CNBD1: variants seen among roughly 807,000 people sequenced by gnomAD.
CNBD1 encodes the protein cyclic nucleotide-binding domain-containing protein 1.
Under a neutral mutation model 54.4 loss-of-function variants are expected in CNBD1, and 71 were observed. The observed-to-expected ratio is 1.30, with a 90% CI of 1.08 to 1.59. The LOEUF (loss-of-function observed/expected upper bound fraction) is 1.59. CNBD1 is among the 40% of genes most tolerant of loss of function. CNBD1 has a pLI of 0.00. For synonymous variants in CNBD1, 182 were observed against 170.7 expected, an observed-to-expected ratio of 1.07 and a Z score of -0.51; for missense variants, 659 against 518.0, an observed-to-expected ratio of 1.27 and a Z score of -2.64.
chr8:86,976,074 G>A lies in CNBD1; in HGVS notation c.431+36320G>A, dbSNP rs1586174779. Among the ~76,000 whole-genome samples, 9 of 150,950 alleles carry A rather than the reference G, an allele frequency of 6.0e-5. No homozygotes were observed. The South Asian group carries it at 1.9e-3, about 32-fold the overall frequency. ...CCTTTGCCTATGTTTTTTAAATAGG[G>A]ATACTTGTTTTCTCATTGAGTAATT... On this transcript the variant is annotated intron_variant, in intron 4 of 10. Coordinates refer to ENST00000518476, the MANE Select transcript of CNBD1 (RefSeq NM_173538.3).
intron 10 of CNBD1, among the ~76,000 whole-genome samples, chr8:87,364,187 C>T (rs1810587964): frequency 6.6e-6 from 1 of 151,286 alleles, no homozygotes; most frequent in South Asian, 2.1e-4. Context: ...GAGAGATTAT[C>T]TCAAAAAATA....
chr8:87,390,869 A>G (rs189053942), intron 2 of CNBD1, among the ~76,000 whole-genome samples: 1 of 152,358 alleles, frequency 6.6e-6, no homozygotes, highest in Non-Finnish European at 1.5e-5. Context: ...AGACTGGATT[A>G]AGAAAATATG....
At chr8:86,922,425 A>C (rs923833549) in intron 3 of CNBD1, among the ~76,000 whole-genome samples, 9 of 152,124 alleles carry the variant, frequency 5.9e-5, no homozygotes, top group African/African-American at 2.2e-4. Context: ...AGTTTTATGA[A>C]GGAAGGAAGA....
intron 4 of CNBD1, among the ~76,000 whole-genome samples, chr8:87,158,831 A>C (rs529524970): frequency 6.6e-6 from 1 of 152,340 alleles, no homozygotes; most frequent in South Asian, 2.1e-4. Context: ...AAAGACAGCA[A>C]GCAAGAACTA....
chr8:87,121,905 CAT>C (rs1437442495), intron 4 of CNBD1, among the ~76,000 whole-genome samples: 4 of 151,338 alleles, frequency 2.6e-5, no homozygotes, highest in Non-Finnish European at 5.9e-5. Context: ...TATACACACA[CAT>C]ATGACATATA....
rs532163543 is a variant in CNBD1 at position 87,327,525 on chromosome 8, G to A, written c.1043-24160G>A. Among the ~76,000 whole-genome samples, 514 of 152,262 alleles carry A rather than the reference G, an allele frequency of 3.4e-3. 2 individuals carry two copies. The highest frequency in any genetic ancestry group is 0.011 in the African/African-American group (455 of 41,554). ...TTCGTGGTGCGCCGTTTTTTAAGCC[G>A]GTCTGAAAAGCGCAATATTCGGGTG... On this transcript the variant is annotated intron_variant, in intron 8 of 10. Transcript: ENST00000518476.
chr8:87,348,122 T>C (rs1810211502), intron 8 of CNBD1, among the ~76,000 whole-genome samples: 1 of 152,184 alleles, frequency 6.6e-6, no homozygotes, highest in South Asian at 2.1e-4. Flanking sequence ...TGTATAGTAT[T>C]CATTCTTTAG....
intron 8 of CNBD1, among the ~76,000 whole-genome samples, chr8:87,296,900 G>T (rs576456169): frequency 2.3e-4 from 35 of 152,086 alleles, no homozygotes; most frequent in African/African-American, 8.4e-4. Flanking sequence ...AATAAGGCCA[G>T]CGTGGTGGCT....
At chr8:86,907,963 C>T (rs1197067064) in intron 3 of CNBD1, among the ~76,000 whole-genome samples, 2 of 152,190 alleles carry the variant, frequency 1.3e-5, no homozygotes. Flanking sequence ...TACCTGTTAT[C>T]ATTGTCATAT....
chr8:87,308,377 G>A (rs1809199435), intron 8 of CNBD1, among the ~76,000 whole-genome samples: 1 of 152,110 alleles, frequency 6.6e-6, no homozygotes, highest in South Asian at 2.1e-4. Context: ...AAATATTCCT[G>A]CAGCTCTCAG....
At chr8:86,984,759 T>A (rs1808567108) in intron 4 of CNBD1, among the ~76,000 whole-genome samples, 1 of 152,206 alleles carries the variant, frequency 6.6e-6, no homozygotes, top group South Asian at 2.1e-4. Context: ...CCAAGGCCCA[T>A]ACCCCCATTG....
chr8:86,885,787 C>T (rs1055985676), intron 1 of CNBD1, among the ~76,000 whole-genome samples: 3 of 152,200 alleles, frequency 2.0e-5, no homozygotes, highest in Admixed American at 1.3e-4. Flanking sequence ...TGTTCTTCTA[C>T]TAGGCTGTGA....
intron 8 of CNBD1, among the ~76,000 whole-genome samples, chr8:87,301,449 A>G (rs1808990486): frequency 6.7e-6 from 1 of 150,276 alleles, no homozygotes; most frequent in East Asian, 1.9e-4. Flanking sequence ...AATCCTTAAT[A>G]AAATATTTGC....
chr8:87,411,231 T>C (rs1444194129), intron 2 of CNBD1, among the ~76,000 whole-genome samples: 2 of 151,592 alleles, frequency 1.3e-5, no homozygotes, highest in African/African-American at 4.8e-5. Context: ...GTTTTATTTA[T>C]CCTCATTTCT....
chr8:87,185,537 A>C (rs1475851512), intron 4 of CNBD1, among the ~76,000 whole-genome samples: 1 of 152,230 alleles, frequency 6.6e-6, no homozygotes, highest in Non-Finnish European at 1.5e-5. Flanking sequence ...CACAGCATTT[A>C]GTCTATGGCA....
At chr8:87,420,596 G>C (rs1182698485) in intron 2 of CNBD1, among the ~76,000 whole-genome samples, 1 of 152,008 alleles carries the variant, frequency 6.6e-6, no homozygotes, top group Non-Finnish European at 1.5e-5. Flanking sequence ...GAGGTAGAGA[G>C]AGACAACCCC....
chr8:86,878,487 A>C lies in CNBD1; in HGVS notation c.89-9055A>C, dbSNP rs79975579. On this transcript the variant is annotated intron_variant, in intron 1 of 10. Coordinates refer to ENST00000518476, the MANE Select transcript of CNBD1 (RefSeq NM_173538.3). ...AAAGGTTCTGTGTAGTTATTTGGCCATGATCTATTTCTTTTCAGTGACTGA... is the reference window on the plus strand; with the variant it reads ...AAAGGTTCTGTGTAGTTATTTGGCCCTGATCTATTTCTTTTCAGTGACTGA... 6.3e-3 allele frequency among the ~76,000 whole-genome samples: 950 copies of C among 151,896 alleles called. 11 individuals carry two copies. Among genetic ancestry groups the C allele is most frequent in the African/African-American group, 0.022 (910 of 41,418 alleles).
intron 4 of CNBD1, among the ~76,000 whole-genome samples, chr8:86,964,348 T>C (rs1010368437): frequency 6.6e-6 from 1 of 152,230 alleles, no homozygotes; most frequent in African/African-American, 2.4e-5. Context: ...CCAATGGTAC[T>C]GCTATTCTTC....
At chr8:87,388,946 A>G (rs1421361399) in intron 2 of CNBD1, among the ~76,000 whole-genome samples, 2 of 152,228 alleles carry the variant, frequency 1.3e-5, no homozygotes, top group Non-Finnish European at 2.9e-5. Context: ...CTGATTCAAC[A>G]TATGCAAATC....
Sources: allele counts gnomAD v4.1 joint callset (sites outside exome capture counted in the v4.1 genomes callset), GRCh38; gene constraint gnomAD v4.1.1; transcripts MANE v1.5; gene names NCBI Gene and HGNC (gene_info 2026-07-23, HGNC 2026-07-21).